GLT1D1: variants seen among roughly 807,000 people sequenced by gnomAD.
GLT1D1 encodes the protein glycosyltransferase 1 domain containing 1, also known as glycosyltransferase 1 domain-containing protein 1.
Under a neutral mutation model 28.7 loss-of-function variants are expected in GLT1D1, and 21 were observed. The observed-to-expected ratio is 0.73, with a 90% CI of 0.52 to 1.05. The LOEUF is 1.05. GLT1D1 is among the 50% of genes least tolerant of loss of function. The probability of loss-of-function intolerance (pLI) is 0.00; values close to 1 mark genes in which losing one functional copy is unlikely to be tolerated. For synonymous variants in GLT1D1, 147 were observed against 124.8 expected, an observed-to-expected ratio of 1.18 and a Z score of -1.19; for missense variants, 343 against 330.6, an observed-to-expected ratio of 1.04 and a Z score of -0.29.
At chr12:128,856,402 A>C (rs1483791203) in intron 1 of GLT1D1, among the ~76,000 whole-genome samples, 1 of 152,150 alleles carries the variant, frequency 6.6e-6, no homozygotes, top group Non-Finnish European at 1.5e-5. Context: ...CCCAGCCCTT[A>C]TTCAAGACTG....
intron 4 of GLT1D1, among the ~76,000 whole-genome samples, chr12:128,925,710 T>C (rs1047584493): frequency 1.3e-5 from 2 of 152,210 alleles, no homozygotes; most frequent in African/African-American, 4.8e-5. Flanking sequence ...AAGACATTAT[T>C]CTTCCTATCT....
intron 4 of GLT1D1, among the ~76,000 whole-genome samples, chr12:128,917,749 A>T (rs1872245496): frequency 6.6e-6 from 1 of 152,238 alleles, no homozygotes; most frequent in African/African-American, 2.4e-5. Context: ...CATTAGAGAA[A>T]TGCAAATCGA....
In GLT1D1 at chr12:128,941,889, GTCTC is replaced by G. The variant is rs1270735525; in HGVS notation, c.376-3423_376-3420del. Among the ~76,000 whole-genome samples, 44 of 138,352 alleles carry G rather than the reference GTCTC, an allele frequency of 3.2e-4. No homozygotes were observed. In the East Asian group the frequency reaches 5.9e-3, roughly 18 times the overall value. The allele number at this position is 138,352 out of a possible 152,430, so 90.8% of individuals were successfully genotyped here. The stretch of plus-strand genomic sequence containing the variant: ...CCACCAGCATGAGCCACCGTGCCTG[GTCTC>G]TCTCTCTCTCTCTTTTTTTTTTTTT... On this transcript the variant is annotated intron_variant, in intron 4 of 7. Coordinates refer to ENST00000281703, the MANE Select transcript of GLT1D1 (RefSeq NM_144669.3).
Position 128,982,924 on chromosome 12 carries a change from T to G in GLT1D1, c.640-5T>G, listed in dbSNP as rs1420429345. Reference sequence around the variant, plus strand: ...TTATGTCTACTTCTCCTTCCTTTTTTGCAGGAGTTTGTTCATCTGGCAAAG... The same window carrying G: ...TTATGTCTACTTCTCCTTCCTTTTTGGCAGGAGTTTGTTCATCTGGCAAAG... On this transcript the variant is annotated splice_polypyrimidine_tract_variant and splice_region_variant and intron_variant, in intron 7 of 7. Coordinates refer to ENST00000281703, the MANE Select transcript of GLT1D1 (RefSeq NM_144669.3). 1.2e-6 allele frequency: 2 copies of G among 1,613,806 alleles called. No homozygotes were observed. Among genetic ancestry groups the G allele is most frequent in the East Asian group, 2.2e-5 (1 of 44,888 alleles).
chr12:128,972,742 A>G (rs1440651111), intron 7 of GLT1D1, among the ~76,000 whole-genome samples: 1 of 152,212 alleles, frequency 6.6e-6, no homozygotes, highest in East Asian at 1.9e-4. Flanking sequence ...GAACCTGGTA[A>G]AAGGTGCAGC....
At chr12:128,958,196 A>T (rs1296619402) in intron 7 of GLT1D1, among the ~76,000 whole-genome samples, 1 of 152,154 alleles carries the variant, frequency 6.6e-6, no homozygotes, top group African/African-American at 2.4e-5. Flanking sequence ...TGCCCAGTGT[A>T]GGGGGCCACA....
intron 7 of GLT1D1, among the ~76,000 whole-genome samples, chr12:128,959,155 A>G (rs1160332877): frequency 6.6e-6 from 1 of 151,942 alleles, no homozygotes; most frequent in African/African-American, 2.4e-5. Context: ...TTCTTAAAAA[A>G]ATATTAGGTT....
intron 5 of GLT1D1, 24 bp downstream of exon 9, chr12:128,945,393 A>G (rs779315436): frequency 6.2e-7 from 1 of 1,605,580 alleles, no homozygotes; most frequent in African/African-American, 1.3e-5. Flanking sequence ...GAGACCAGTC[A>G]TTTTGCAGAA....
chr12:128,907,645 T>C (rs1046547094), intron 4 of GLT1D1, among the ~76,000 whole-genome samples: 2 of 152,176 alleles, frequency 1.3e-5, no homozygotes, highest in African/African-American at 2.4e-5. Flanking sequence ...TGAGCCCTCA[T>C]TGGAGATTTC....
chr12:128,881,451 T>G (rs1237444091), intron 2 of GLT1D1, among the ~76,000 whole-genome samples: 2 of 137,900 alleles, frequency 1.5e-5, no homozygotes. Flanking sequence ...GGAGAATCTC[T>G]TGAACCCAGG....
intron 1 of GLT1D1, among the ~76,000 whole-genome samples, chr12:128,864,732 A>G (rs1003373225): frequency 1.3e-5 from 2 of 151,356 alleles, no homozygotes; most frequent in African/African-American, 4.9e-5. Flanking sequence ...GGAAGAGGAA[A>G]CAGGGAGAGG....
In GLT1D1 at chr12:128,888,730, T is replaced by C. The variant is rs770836241; in HGVS notation, c.309T>C (p.Val103=). The C allele has an allele frequency of 1.9e-6, 3 of 1,607,894 alleles. 1 individual carries two copies. The highest frequency in any genetic ancestry group is 2.6e-6 in the Non-Finnish European group (3 of 1,174,648). Residue 103 remains valine, a synonymous_variant, in exon 3 of 8, where the codon GTT becomes GTC. Coordinates refer to ENST00000281703, the MANE Select transcript of GLT1D1 (RefSeq NM_144669.3). ...AAAAAAACACAGTCATGGGCAGAGT[T>C]CTTGAGGAAGCCAGGTAATACCTGC...
chr12:128,908,400 C>T (rs11060008), intron 4 of GLT1D1, among the ~76,000 whole-genome samples: 5 of 138,604 alleles, frequency 3.6e-5, no homozygotes, highest in Admixed American at 7.2e-5. Context: ...TTCTCTCTCT[C>T]TCTCTTTCTT....
chr12:128,969,177 T>A (rs1414531090), intron 7 of GLT1D1, among the ~76,000 whole-genome samples: 4 of 144,974 alleles, frequency 2.8e-5, no homozygotes. Flanking sequence ...TCTTCCTCTG[T>A]CTCTGTTTCT....
intron 4 of GLT1D1, among the ~76,000 whole-genome samples, chr12:128,940,984 A>G (rs990665985): frequency 6.6e-6 from 1 of 152,072 alleles, no homozygotes; most frequent in Non-Finnish European, 1.5e-5. Flanking sequence ...AATAACCCCT[A>G]ATTAGATCCT....
At chr12:128,940,385 C>T (rs990910140) in intron 4 of GLT1D1, among the ~76,000 whole-genome samples, 2 of 152,214 alleles carry the variant, frequency 1.3e-5, no homozygotes, top group South Asian at 2.1e-4. Context: ...TTTACTCCTC[C>T]GAGCAATCCC....
chr12:128,983,003 A>G lies in GLT1D1; in HGVS notation c.714A>G (p.Glu238=), dbSNP rs1322144129. The change falls in exon 8 of 8, where the codon GAA becomes GAG. Residue 238 remains glutamate (E), a synonymous_variant. Transcript: ENST00000281703. This position sits in a 1 kb window ranked among gnomAD's most constrained non-coding sequence, Gnocchi z 4.7. ...AGGAAATCGTAGTGAACGGAAGGGA[A>G]TACGTGAGAATGTATCATTCATGGC... 1 of 1,613,910 alleles carries G rather than the reference A, an allele frequency of 6.2e-7. No individual in the cohort carries two copies.
intron 4 of GLT1D1, among the ~76,000 whole-genome samples, chr12:128,916,118 T>G (rs1426889386): frequency 6.6e-6 from 1 of 152,238 alleles, no homozygotes; most frequent in African/African-American, 2.4e-5. Context: ...AGTCATGCAT[T>G]GAATAATTTT....
Position 128,980,714 on chromosome 12 carries a change from C to T in GLT1D1, c.640-2215C>T, listed in dbSNP as rs1054040297. Among the ~76,000 whole-genome samples, 4 of 152,182 alleles carry T rather than the reference C, an allele frequency of 2.6e-5. No homozygotes were observed. In the East Asian group the frequency reaches 7.7e-4, roughly 29 times the overall value. ...TACCTGGTGGTCTCCAGGGCCGGGGCGCATGGAAGCTATAAGGGCTTTTGA... is the reference window on the plus strand; with the variant it reads ...TACCTGGTGGTCTCCAGGGCCGGGGTGCATGGAAGCTATAAGGGCTTTTGA... On this transcript the variant is annotated intron_variant, in intron 7 of 7. Coordinates refer to ENST00000281703, the MANE Select transcript of GLT1D1 (RefSeq NM_144669.3).
Sources: allele counts gnomAD v4.1 joint callset (sites outside exome capture counted in the v4.1 genomes callset), GRCh38; gene constraint gnomAD v4.1.1; non-coding constraint Gnocchi (gnomAD v3.1); transcripts MANE v1.5; gene names NCBI Gene and HGNC (gene_info 2026-07-23, HGNC 2026-07-21).